Variants in ZNF84 observed in about 807,000 individuals in gnomAD.
ZNF84 encodes zinc finger protein 84.
ZNF84 carries 12 observed loss-of-function variants against 14.8 expected under a neutral mutation model. That is an observed-to-expected ratio of 0.81 (90% CI 0.52 to 1.31). The LOEUF (loss-of-function observed/expected upper bound fraction) is 1.31, where lower values mean the gene tolerates loss of function less well. Ranked by LOEUF, ZNF84 falls within the 50% of genes most tolerant of loss-of-function variation. The pLI is 0.00. For synonymous variants in ZNF84, 347 were observed against 291.1 expected (o/e 1.19, Z -1.96); for missense variants, 859 against 878.6 (o/e 0.98, Z 0.28).
At position 133,057,657 on chromosome 12, in the gene ZNF84, A is replaced by G; in HGVS notation, c.942A>G (p.Thr314=). 1.9e-6 allele frequency: 3 copies of G among 1,614,154 alleles called. No homozygotes were observed. Among genetic ancestry groups the G allele is most frequent in the South Asian group, 2.2e-5 (2 of 91,074 alleles). Residue 314 remains threonine (T), a synonymous_variant, in exon 5 of 5, where the codon ACA becomes ACG. Transcript: ENST00000539354. ...TCATATCGCATTGGAGAACACACAC[A>G]GGAGAGAAACCCTATGGATGCAATG... ...SHLISHWRTH[T]GEKPYGCNEC...
intron 1 of ZNF84, among the ~76,000 whole-genome samples, chr12:133,038,722 T>C (rs1156722818): frequency 6.6e-6 from 1 of 152,242 alleles, no homozygotes; most frequent in Non-Finnish European, 1.5e-5. Flanking sequence ...AATCGAATTA[T>C]AAATTTCTTT....
chr12:133,041,262 TAC>T lies in ZNF84; in HGVS notation c.-190-14_-190-13del, dbSNP rs1593694581. On this transcript the variant is annotated splice_polypyrimidine_tract_variant and intron_variant, in intron 1 of 4. Coordinates refer to ENST00000539354, the MANE Select transcript of ZNF84 (RefSeq NM_001289971.2). ...TGCAATGTGAATATACCAGTTGAAG[TAC>T]ATTTCTCCCGAAGTCCACAGATCCT... 4.4e-5 allele frequency: 25 copies of T among 563,826 alleles called. No individual in the cohort carries two copies. In the East Asian group the frequency reaches 7.2e-4, roughly 16 times the overall value. The allele number at this position is 563,826 out of a possible 1,614,324, so 34.9% of individuals were successfully genotyped here.
chr12:133,038,858 T>G (rs1326577541), intron 1 of ZNF84: 2 of 152,198 alleles, frequency 1.3e-5, no homozygotes, highest in Admixed American at 1.3e-4. Context: ...TTTATGTGAG[T>G]TGTTTATATC....
intron 1 of ZNF84, chr12:133,038,049 CT>C (rs1293128135): frequency 6.6e-6 from 1 of 151,874 alleles, no homozygotes; most frequent in Non-Finnish European, 1.5e-5. Flanking sequence ...GTGACTTTTG[CT>C]TTTGGTATGG....
chr12:133,057,329 A>C lies in ZNF84; in HGVS notation c.614A>C (p.Lys205Thr). 1 of 1,613,484 alleles carries C rather than the reference A, an allele frequency of 6.2e-7. No individual in the cohort carries two copies. The highest frequency in any genetic ancestry group is 1.1e-5 in the South Asian group (1 of 90,930). ...IIYHRNRLGE[K>T]LYECSECRKR... ...TATCATAGAAATCGTTTAGGGGAGA[A>C]ACTCTATGAATGCAGTGAATGTAGG... Residue 205 changes from lysine (K) to threonine (T), a missense_variant, in exon 5 of 5, where the codon AAA (lysine) becomes ACA (threonine). Lys to Thr is a moderately conservative substitution (Grantham distance 78, BLOSUM62 -1). Coordinates refer to ENST00000539354, the MANE Select transcript of ZNF84 (RefSeq NM_001289971.2).
At chr12:133,041,104 C>T in intron 1 of ZNF84, 174 bp from the exon 2 acceptor site, 1 of 281,888 alleles carries the variant, frequency 3.5e-6, no homozygotes, top group East Asian at 6.4e-5. Flanking sequence ...TTGCAGAGAC[C>T]TAGGCTTCCA....
At position 133,062,354 on chromosome 12, in the gene ZNF84, T is replaced by C. The variant is rs1001441480; in HGVS notation, c.*3422T>C. On this transcript the variant is annotated 3_prime_UTR_variant, in exon 5 of 5. Transcript: ENST00000539354. ...GAACATCACTTTTAGAATGTTGACATAAAATGCACCCACAGAATGCCGTAT... is the reference window on the plus strand; with the variant it reads ...GAACATCACTTTTAGAATGTTGACACAAAATGCACCCACAGAATGCCGTAT... The C allele has an allele frequency of 1.8e-4, 27 of 152,366 alleles. No homozygotes were observed. The highest frequency in any genetic ancestry group is 6.5e-4 in the African/African-American group (27 of 41,576). The allele number at this position is 152,366 out of a possible 1,614,324, so 9.4% of individuals were successfully genotyped here.
chr12:133,045,805 A>C lies in ZNF84; in HGVS notation c.16-2150A>C, dbSNP rs1033082003. 3.9e-3 allele frequency among the ~76,000 whole-genome samples: 594 copies of C among 152,140 alleles called. 6 individuals carry two copies. The highest frequency in any genetic ancestry group is 0.014 in the African/African-American group (576 of 41,482). On this transcript the variant is annotated intron_variant, in intron 2 of 4. Coordinates refer to ENST00000539354, the MANE Select transcript of ZNF84 (RefSeq NM_001289971.2). ...AATTTTTTGGTTTATATATTTTGCC[A>C]GTTTTACAGAATATTCAGCTATCAT... is the stretch of plus-strand genomic sequence containing the variant.
chr12:133,044,740 C>T (rs1473068767), intron 2 of ZNF84, among the ~76,000 whole-genome samples: 4 of 151,736 alleles, frequency 2.6e-5, no homozygotes, highest in African/African-American at 4.8e-5. Flanking sequence ...ATGGTGAAAG[C>T]CCATCTCTAT....
Position 133,061,512 on chromosome 12 carries a change from T to C in ZNF84, c.*2580T>C, listed in dbSNP as rs928290526. On this transcript the variant is annotated 3_prime_UTR_variant, in exon 5 of 5. Transcript: ENST00000539354. ...CCTACTTTTTAATATCTCAAATTCATTTTACTAGACGTGGGAGACCAACTA... is the reference window on the plus strand; with the variant it reads ...CCTACTTTTTAATATCTCAAATTCACTTTACTAGACGTGGGAGACCAACTA... 4 of 152,186 alleles carry C rather than the reference T, an allele frequency of 2.6e-5. No individual in the cohort carries two copies. The highest frequency in any genetic ancestry group is 6.5e-5 in the Admixed American group (1 of 15,284). The allele number at this position is 152,186 out of a possible 1,614,324, so 9.4% of individuals were successfully genotyped here.
At chr12:133,043,196 G>A (rs1193593338) in intron 2 of ZNF84, among the ~76,000 whole-genome samples, 2 of 150,654 alleles carry the variant, frequency 1.3e-5, no homozygotes, top group African/African-American at 2.4e-5. Context: ...ATTTTTTTTT[G>A]AGATGGAGTC....
At position 133,057,568 on chromosome 12, in the gene ZNF84, C is replaced by G. The variant is rs1386934346; in HGVS notation, c.853C>G (p.His285Asp). ...KSQLTSHQRT[H>D]TGEKPYECGE... ...ACAGCTCACATCCCATCAGCGGACA[C>G]ATACAGGAGAGAAACCTTATGAGTG... The change falls in exon 5 of 5, where the codon CAT becomes GAT. Residue 285 changes from histidine (H) to aspartate (D), a missense_variant. Physicochemically the swap from His to Asp is moderately conservative, Grantham distance 81 (BLOSUM62 -1). Transcript: ENST00000539354. 1 of 1,614,080 alleles carries G rather than the reference C, an allele frequency of 6.2e-7. No homozygotes were observed. Among genetic ancestry groups the G allele is most frequent in the Non-Finnish European group, 8.5e-7 (1 of 1,180,046 alleles).
At position 133,060,810 on chromosome 12, in the gene ZNF84, C is replaced by T. The variant is rs1954249320; in HGVS notation, c.*1878C>T. On this transcript the variant is annotated 3_prime_UTR_variant, in exon 5 of 5. Transcript: ENST00000539354. ...ATTTCCATAAAAATGCATGAACCATCCCTTAGCTAAGTAAGGATTTTGTAA... is the reference window on the plus strand; with the variant it reads ...ATTTCCATAAAAATGCATGAACCATTCCTTAGCTAAGTAAGGATTTTGTAA... 6.6e-6 allele frequency: 1 copy of T among 152,210 alleles called. No individual in the cohort carries two copies. Among genetic ancestry groups the T allele is most frequent in the Non-Finnish European group, 1.5e-5 (1 of 68,042 alleles). 9.4% of individuals were successfully genotyped at this position (152,210 alleles called of 1,614,324 possible). A position where few individuals can be genotyped will look rare whatever the true frequency, so the allele number is the denominator to read the frequency against.
Position 133,041,442 on chromosome 12 carries a change from CT to C in ZNF84, c.-25del. On this transcript the variant is annotated 5_prime_UTR_variant, in exon 2 of 5. Transcript: ENST00000539354. ...CACAGTAGAACCGATCTCAGCCTTGCTGATCATCTCGTACAGCAGCAGAAAA... is the reference window on the plus strand; with the variant it reads ...CACAGTAGAACCGATCTCAGCCTTGCGATCATCTCGTACAGCAGCAGAAAA... 1 of 1,613,962 alleles carries C rather than the reference CT, an allele frequency of 6.2e-7. No homozygotes were observed. Among genetic ancestry groups the C allele is most frequent in the Admixed American group, 1.7e-5 (1 of 60,030 alleles).
Position 133,058,983 on chromosome 12 carries a change from G to T in ZNF84, c.*51G>T. On this transcript the variant is annotated 3_prime_UTR_variant, in exon 5 of 5. Coordinates refer to ENST00000539354, the MANE Select transcript of ZNF84 (RefSeq NM_001289971.2). ...CAGATCATCTTGGACTTCAGGAAAT[G>T]CAATTATGATAACGTTTGTAGACAG... 1 of 1,497,298 alleles carries T rather than the reference G, an allele frequency of 6.7e-7. No individual in the cohort carries two copies. Among genetic ancestry groups the T allele is most frequent in the Admixed American group, 2.1e-5 (1 of 47,630 alleles). The allele number at this position is 1,497,298 out of a possible 1,614,324, so 92.8% of individuals were successfully genotyped here. A position where few individuals can be genotyped will look rare whatever the true frequency, so the allele number is the denominator to read the frequency against.
At chr12:133,047,041 ATCCT>A (rs1258326424) in intron 2 of ZNF84, among the ~76,000 whole-genome samples, 1 of 149,834 alleles carries the variant, frequency 6.7e-6, no homozygotes, top group Non-Finnish European at 1.5e-5. Flanking sequence ...GGCACAAGTG[ATCCT>A]CCCGCATTGG....
rs897695517 is a variant in ZNF84, at chr12:133,057,215, A to G, written c.500A>G (p.His167Arg). ...AATGTGTTTGATAATTTTTTTCTCC[A>G]TTCCAAGCCTGAGGATACTGATACC... is the stretch of plus-strand genomic sequence containing the variant. ...DFNVFDNFFL[H>R]SKPEDTDTWL... Residue 167 changes from histidine (H) to arginine (R), a missense_variant, in exon 5 of 5, where the codon CAT becomes CGT. By Grantham distance (29) the His-to-Arg change is conservative. Coordinates refer to ENST00000539354, the MANE Select transcript of ZNF84 (RefSeq NM_001289971.2). 5.0e-6 allele frequency: 8 copies of G among 1,613,030 alleles called. No homozygotes were observed. The African/African-American group carries it at 6.7e-5, about 13-fold the overall frequency.
At chr12:133,041,870 A>T (rs772498695) in intron 2 of ZNF84, among the ~76,000 whole-genome samples, 336 of 152,308 alleles carry the variant, frequency 2.2e-3, no homozygotes, top group Non-Finnish European at 3.7e-3. Flanking sequence ...TTTTTCCTTG[A>T]TGAAGTCTTA....
intron 4 of ZNF84, among the ~76,000 whole-genome samples, chr12:133,049,202 C>T (rs1954034437): frequency 6.6e-6 from 1 of 152,156 alleles, no homozygotes; most frequent in African/African-American, 2.4e-5. Flanking sequence ...ACCTTGACTT[C>T]TTGTTTGGTA....
Sources: allele counts gnomAD v4.1 joint callset (sites outside exome capture counted in the v4.1 genomes callset), GRCh38; gene constraint gnomAD v4.1.1; transcripts MANE v1.5; gene names NCBI Gene and HGNC (gene_info 2026-07-23, HGNC 2026-07-21).